Variants in LINGO3 observed in about 807,000 individuals in gnomAD.
The protein encoded by LINGO3 is leucine rich repeat and Ig domain containing 3.
For missense variants in LINGO3, 750 were observed against 867.7 expected, an observed-to-expected ratio of 0.86 and a Z score of 1.70; for synonymous variants, 427 against 444.2, an observed-to-expected ratio of 0.96 and a Z score of 0.49.
the LINGO3 span, among the ~76,000 whole-genome samples, chr19:2,304,263 G>A: frequency 6.6e-6 from 1 of 152,158 alleles, no homozygotes; most frequent in Non-Finnish European, 1.5e-5. Flanking sequence ...TCTGTCTATG[G>A]GCAAGAAACA....
At chr19:2,299,885 G>A in the LINGO3 span, among the ~76,000 whole-genome samples, 27 of 150,444 alleles carry the variant, frequency 1.8e-4, no homozygotes, top group African/African-American at 6.1e-4. Flanking sequence ...CACCACGCCC[G>A]GCTAATTTTT....
Position 2,290,968 on chromosome 19 carries a change from G to C in LINGO3, c.809C>G (p.Ala270Gly), listed in dbSNP as rs763605142. The C allele has an allele frequency of 1.9e-6, 3 of 1,611,818 alleles. No individual in the cohort carries two copies. The highest frequency in any genetic ancestry group is 2.5e-6 in the Non-Finnish European group (3 of 1,179,490). Residue 270 changes from alanine to glycine, a missense_variant, in exon 1 of 1, where the codon GCG (alanine) becomes GGG (glycine). By Grantham distance (60) the Ala-to-Gly change is moderately conservative. Transcript: ENST00000585527. The surrounding 1 kb of genome is among the most constrained non-coding windows in gnomAD (Gnocchi z 6.0). ...CGACAGATTGAGGCAGGTGAGGTGCGCCTGGTGCCGCAGCGCGGCGGCCGG... is the reference window on the plus strand; with the variant it reads ...CGACAGATTGAGGCAGGTGAGGTGCCCCTGGTGCCGCAGCGCGGCGGCCGG...
upstream of LINGO3, among the ~76,000 whole-genome samples, chr19:2,293,206 A>G (rs2025542901): frequency 6.6e-6 from 1 of 152,080 alleles, no homozygotes; most frequent in African/African-American, 2.4e-5. Context: ...CTGGGGCTAC[A>G]GGTGCCAGCC....
chr19:2,306,293 A>G, the LINGO3 span, among the ~76,000 whole-genome samples: 1 of 152,154 alleles, frequency 6.6e-6, no homozygotes, highest in African/African-American at 2.4e-5. Flanking sequence ...ACAAAATCCC[A>G]GCTCCCCACT....
In LINGO3 at chr19:2,291,504, C is replaced by CGT. The variant is rs1398727962; in HGVS notation, c.272_273insAC (p.His92ArgfsTer24). 4 of 1,610,896 alleles carry CGT rather than the reference C, an allele frequency of 2.5e-6. No individual in the cohort carries two copies. Among genetic ancestry groups the CGT allele is most frequent in the Non-Finnish European group, 2.5e-6 (3 of 1,178,984 alleles). On this transcript the variant is annotated frameshift_variant, in exon 1 of 1. Coordinates refer to ENST00000585527, the Ensembl canonical transcript of LINGO3. LOFTEE classifies it low-confidence loss of function (END_TRUNC). ...TGGCGAAGGCGCCGGGCTCCACGTG[C>CGT]GCGATGGCGTTCTCGCTCAGGTCCA...
Position 2,290,340 on chromosome 19 carries a change from C to A in LINGO3, c.1437G>T (p.Thr479=), listed in dbSNP as rs938416888. 6.5e-7 allele frequency: 1 copy of A among 1,534,840 alleles called. No homozygotes were observed. The highest frequency in any genetic ancestry group is 8.7e-7 in the Non-Finnish European group (1 of 1,148,526). ...TGCCGCCCGCGTTGCTGGCCACGCA[C>A]GTGTAGGTGCCGCTGTCCTGCGGCC... Residue 479 remains threonine (T), a synonymous_variant, in exon 1 of 1, where the codon ACG becomes ACT. Coordinates refer to ENST00000585527, the Ensembl canonical transcript of LINGO3. This position sits in a 1 kb window ranked among gnomAD's most constrained non-coding sequence, Gnocchi z 6.0.
chr19:2,291,044 C>T, exon 1 of LINGO3: 1 of 1,610,572 alleles, frequency 6.2e-7, no homozygotes, highest in Non-Finnish European at 8.5e-7. Flanking sequence ...AGGTTCAGGC[C>T]CCGCAGGCTG....
chr19:2,287,177 C>T (rs900383577), downstream of LINGO3, among the ~76,000 whole-genome samples: 3 of 151,844 alleles, frequency 2.0e-5, no homozygotes, highest in East Asian at 1.9e-4. This position sits in a 1 kb window ranked among gnomAD's most constrained non-coding sequence, Gnocchi z 4.5. Flanking sequence ...GTTATTAAAT[C>T]GGTTCCATTT....
At chr19:2,304,395 C>A in the LINGO3 span, among the ~76,000 whole-genome samples, 1 of 152,172 alleles carries the variant, frequency 6.6e-6, no homozygotes, top group African/African-American at 2.4e-5. Flanking sequence ...CCACAGCCAG[C>A]CGGTTCTAAT....
At chr19:2,292,425 A>G (rs79404673), upstream of LINGO3, among the ~76,000 whole-genome samples, 2 of 141,858 alleles carry the variant, frequency 1.4e-5, no homozygotes, top group Non-Finnish European at 3.0e-5. Context: ...AAAAAAAAAA[A>G]GCAGCATTGA....
At chr19:2,303,710 C>T in the LINGO3 span, among the ~76,000 whole-genome samples, 1 of 152,382 alleles carries the variant, frequency 6.6e-6, no homozygotes, top group African/African-American at 2.4e-5. Context: ...CCTGGAAAGT[C>T]TTGACTCTCG....
upstream of LINGO3, among the ~76,000 whole-genome samples, chr19:2,296,968 C>T (rs1013643921): frequency 1.3e-4 from 19 of 151,424 alleles, no homozygotes; most frequent in Middle Eastern, 3.4e-3. Flanking sequence ...GGCGGGCGCC[C>T]GTAGTCCCAG....
the LINGO3 span, among the ~76,000 whole-genome samples, chr19:2,303,809 A>C: frequency 4.6e-5 from 7 of 152,208 alleles, no homozygotes; most frequent in African/African-American, 1.7e-4. Flanking sequence ...ATGATGGAGC[A>C]TGGGGAGGCT....
At chr19:2,301,311 T>C in the LINGO3 span, among the ~76,000 whole-genome samples, 6 of 150,560 alleles carry the variant, frequency 4.0e-5, no homozygotes, top group South Asian at 1.3e-3. Flanking sequence ...CTTGGCCCCA[T>C]GGACATCTTA....
the LINGO3 span, among the ~76,000 whole-genome samples, chr19:2,298,512 A>C: frequency 6.7e-6 from 1 of 148,636 alleles, no homozygotes; most frequent in Non-Finnish European, 1.5e-5. Flanking sequence ...GAACACAGGC[A>C]TGAGCCACCG....
the LINGO3 span, among the ~76,000 whole-genome samples, chr19:2,301,890 T>TGCACTCCA: frequency 7.8e-6 from 1 of 128,568 alleles, no homozygotes; most frequent in East Asian, 2.3e-4. Flanking sequence ...ATCGCGCCAC[T>TGCACTCCA]GCACTCCAGC....
At chr19:2,301,590 C>A in the LINGO3 span, among the ~76,000 whole-genome samples, 1 of 152,184 alleles carries the variant, frequency 6.6e-6, no homozygotes, top group Non-Finnish European at 1.5e-5. Flanking sequence ...CAGAGACGGA[C>A]GGCGACGTGC....
At position 2,290,791 on chromosome 19, in the gene LINGO3, A is replaced by G. The variant is rs1027078811; in HGVS notation, c.986T>C (p.Leu329Pro). 1.2e-6 allele frequency: 2 copies of G among 1,612,524 alleles called. No homozygotes were observed. The highest frequency in any genetic ancestry group is 1.7e-6 in the Non-Finnish European group (2 of 1,179,646). The change falls in exon 1 of 1, where the codon CTG (leucine) becomes CCG (proline). Residue 329 changes from leucine (L) to proline (P), a missense_variant. Transcript: ENST00000585527. The surrounding 1 kb of genome is among the most constrained non-coding windows in gnomAD (Gnocchi z 6.0). ...GGTGCTCTCCTCCAACGTGGAGAGC[A>G]GGTTGTTGGAGAGGTTGAGCAGGCG... is the stretch of plus-strand genomic sequence containing the variant.
At chr19:2,291,853 G>A (rs2025528313) in exon 1 of LINGO3, 1 of 1,237,914 alleles carries the variant, frequency 8.1e-7, no homozygotes, top group South Asian at 1.3e-5. Context: ...GGCAGCGTTA[G>A]CACCGTTAGC....
Sources: allele counts gnomAD v4.1 joint callset (sites outside exome capture counted in the v4.1 genomes callset), GRCh38; gene constraint gnomAD v4.1.1; non-coding constraint Gnocchi (gnomAD v3.1); transcripts MANE v1.5; gene names NCBI Gene and HGNC (gene_info 2026-07-23, HGNC 2026-07-21).